The following BSDC1 variants were observed in gnomAD, a reference collection of about 807,000 sequenced individuals.
BSDC1 encodes the protein BSD domain containing 1, also known as BSD domain-containing protein 1.
A neutral mutation model predicts 56.0 loss-of-function variants in BSDC1; 29 were observed. That is an observed-to-expected ratio of 0.52 (90% CI 0.39 to 0.71). The LOEUF is 0.71. Ranked by LOEUF, BSDC1 falls within the 30% of genes least tolerant of loss-of-function variation. The pLI is 0.00. For synonymous variants in BSDC1, 210 were observed against 215.3 expected (o/e 0.98, Z 0.21); for missense variants, 477 against 548.5 (o/e 0.87, Z 1.30).
chr1:32,376,468 T>C lies in BSDC1; in HGVS notation c.950A>G (p.Gln317Arg), dbSNP rs777074928. Residue 317 changes from glutamine to arginine, a missense_variant, in exon 9 of 11, where the codon CAG becomes CGG. By Grantham distance (43) the Gln-to-Arg change is conservative (BLOSUM62 1). Coordinates refer to ENST00000455895, the MANE Select transcript of BSDC1 (RefSeq NM_018045.8). Reference sequence around the variant, plus strand: ...CTCACCCACATCCACAGCCAGGCCCTGTTCCTCCAAGGATGCCTCTAGCAG... The same window carrying C: ...CTCACCCACATCCACAGCCAGGCCCCGTTCCTCCAAGGATGCCTCTAGCAG... ...QKLLEASLEEQGLAVDVGETG... is the reference protein window; with the variant it reads ...QKLLEASLEERGLAVDVGETG... 1 of 1,612,478 alleles carries C rather than the reference T, an allele frequency of 6.2e-7. No homozygotes were observed. Among genetic ancestry groups the C allele is most frequent in the African/African-American group, 1.3e-5 (1 of 75,036 alleles).
intron 10 of BSDC1, chr1:32,368,108 G>C (rs906138453): frequency 2.9e-6 from 4 of 1,358,004 alleles, no homozygotes; most frequent in Non-Finnish European, 3.8e-6. Context: ...CTCGCCTCAA[G>C]CAATCCTCCC....
At chr1:32,373,686 A>G (rs1040943780) in intron 9 of BSDC1, among the ~76,000 whole-genome samples, 3 of 151,948 alleles carry the variant, frequency 2.0e-5, no homozygotes, top group African/African-American at 7.3e-5. Flanking sequence ...ACATCTGGCT[A>G]ATTTTTTGTA....
rs999230674 is a variant in BSDC1, at chr1:32,381,228, C to T, written c.398G>A (p.Cys133Tyr). 6.2e-7 allele frequency: 1 copy of T among 1,613,664 alleles called. No individual in the cohort carries two copies. Among genetic ancestry groups the T allele is most frequent in the Admixed American group, 1.7e-5 (1 of 59,958 alleles). Residue 133 changes from cysteine to tyrosine, a missense_variant, in exon 5 of 11, where the codon TGT (cysteine) becomes TAT (tyrosine). Transcript: ENST00000455895. ...YSLQSDPATYCNEPDGPPELF... is the reference protein window; with the variant it reads ...YSLQSDPATYYNEPDGPPELF... Reference sequence around the variant, plus strand: ...TACCCTCTCACCATCTGGTTCATTACAGTAGGTTGCTGGGTCCGACTGCAG... The same window carrying T: ...TACCCTCTCACCATCTGGTTCATTATAGTAGGTTGCTGGGTCCGACTGCAG...
chr1:32,369,674 A>G (rs1389528478), intron 9 of BSDC1, among the ~76,000 whole-genome samples: 1 of 152,190 alleles, frequency 6.6e-6, no homozygotes, highest in Non-Finnish European at 1.5e-5. Context: ...ATCCTCAGAT[A>G]TCTACAAGAC....
chr1:32,387,453 T>C (rs574371127), intron 2 of BSDC1, among the ~76,000 whole-genome samples: 12 of 152,110 alleles, frequency 7.9e-5, no homozygotes, highest in African/African-American at 1.2e-4. Flanking sequence ...GCGATTTTCG[T>C]GCCTCAGCCT....
Position 32,366,305 on chromosome 1 carries a change from C to A in BSDC1, c.*317G>T. On this transcript the variant is annotated 3_prime_UTR_variant, in exon 11 of 11. Coordinates refer to ENST00000455895, the MANE Select transcript of BSDC1 (RefSeq NM_018045.8). Reference sequence around the variant, plus strand: ...GGGCTAGAACTATCCCTTGGGACTTCCCAGCAGGAGTCCTCAGGAACAGTG... The same window carrying A: ...GGGCTAGAACTATCCCTTGGGACTTACCAGCAGGAGTCCTCAGGAACAGTG... 3.6e-6 allele frequency: 2 copies of A among 549,466 alleles called. No individual in the cohort carries two copies. Among genetic ancestry groups the A allele is most frequent in the Non-Finnish European group, 6.7e-6 (2 of 299,184 alleles). The allele number at this position is 549,466 out of a possible 1,614,324, so 34.0% of individuals were successfully genotyped here.
intron 9 of BSDC1, among the ~76,000 whole-genome samples, chr1:32,374,364 A>T (rs577964237): frequency 4.6e-5 from 7 of 152,236 alleles, no homozygotes; most frequent in Non-Finnish European, 7.3e-5. Flanking sequence ...AAGATTAGTA[A>T]TCTTTCTGAA....
intron 3 of BSDC1, among the ~76,000 whole-genome samples, chr1:32,385,603 T>C (rs1231347719): frequency 6.6e-6 from 1 of 152,020 alleles, no homozygotes; most frequent in Non-Finnish European, 1.5e-5. Flanking sequence ...GGCATGCACC[T>C]GTGGTCCCAG....
At position 32,378,628 on chromosome 1, in the gene BSDC1, G is replaced by A. The variant is rs979759660; in HGVS notation, c.528+96C>T. ...CTATGGAGCCTCCCAGTGCTCTCCGGGCCAGATGACTCTGCAGTGACTCTG... is the reference window on the plus strand; with the variant it reads ...CTATGGAGCCTCCCAGTGCTCTCCGAGCCAGATGACTCTGCAGTGACTCTG... On this transcript the variant is annotated intron_variant, in intron 6 of 10. Coordinates refer to ENST00000455895, the MANE Select transcript of BSDC1 (RefSeq NM_018045.8). The surrounding 1 kb of genome is among the most constrained non-coding windows in gnomAD (Gnocchi z 5.2). 2.6e-4 allele frequency: 227 copies of A among 889,212 alleles called. No homozygotes were observed. The highest frequency in any genetic ancestry group is 4.9e-5 in the Non-Finnish European group (29 of 594,374). The allele number at this position is 889,212 out of a possible 1,614,324, so 55.1% of individuals were successfully genotyped here.
chr1:32,379,203 C>G lies in BSDC1; in HGVS notation c.413-364G>C, dbSNP rs536026382. 1.4e-3 allele frequency among the ~76,000 whole-genome samples: 209 copies of G among 151,968 alleles called. 1 individual carries two copies. Among genetic ancestry groups the G allele is most frequent in the African/African-American group, 4.4e-3 (184 of 41,414 alleles). On this transcript the variant is annotated intron_variant, in intron 5 of 10. Coordinates refer to ENST00000455895, the MANE Select transcript of BSDC1 (RefSeq NM_018045.8). The stretch of plus-strand genomic sequence containing the variant: ...CATCTCTGACTCTGGGGGCCATTGC[C>G]TTTCTCCTGAAGCCCTCGTCTCTCC...
chr1:32,383,824 G>T lies in BSDC1; in HGVS notation c.357+6C>A, dbSNP rs1220025381. Reference sequence around the variant, plus strand: ...GGCATCTGCAGGGGAGACTGTCAGTGAATACCTTGGTGCCATCATAGGGCT... The same window carrying T: ...GGCATCTGCAGGGGAGACTGTCAGTTAATACCTTGGTGCCATCATAGGGCT... On this transcript the variant is annotated splice_donor_region_variant and intron_variant, in intron 4 of 10. Coordinates refer to ENST00000455895, the MANE Select transcript of BSDC1 (RefSeq NM_018045.8). 1.2e-6 allele frequency: 2 copies of T among 1,611,970 alleles called. No individual in the cohort carries two copies. Among genetic ancestry groups the T allele is most frequent in the Admixed American group, 3.3e-5 (2 of 60,022 alleles).
rs1362856851 is a variant in BSDC1, at chr1:32,368,438, C to T, written c.1260+9G>A. 4 of 1,614,144 alleles carry T rather than the reference C, an allele frequency of 2.5e-6. No individual in the cohort carries two copies. The highest frequency in any genetic ancestry group is 2.2e-5 in the South Asian group (2 of 91,086). ...GCTCGCTTCCCTCTGACCCACCAGG[C>T]CCACTCACCTCCCCGGAGGCATCCA... is the stretch of plus-strand genomic sequence containing the variant. On this transcript the variant is annotated intron_variant, in intron 10 of 10. Transcript: ENST00000455895.
At chr1:32,368,711 TG>T (rs1247284128) in intron 9 of BSDC1, among the ~76,000 whole-genome samples, 161 bp from the exon 10 acceptor site, 16 of 152,206 alleles carry the variant, frequency 1.1e-4, no homozygotes, top group Admixed American at 9.2e-4. Flanking sequence ...TTTTTTTTTT[TG>T]TTTTCTTAGA....
At chr1:32,369,550 C>T (rs968127976) in intron 9 of BSDC1, among the ~76,000 whole-genome samples, 1 of 152,106 alleles carries the variant, frequency 6.6e-6, no homozygotes, top group Non-Finnish European at 1.5e-5. Context: ...AAACAGTAGA[C>T]CTCTTCTTCC....
In BSDC1 at chr1:32,378,768, GCT is replaced by G; in HGVS notation, c.482_483del (p.Glu161AlafsTer32). 1.9e-6 allele frequency: 3 copies of G among 1,551,706 alleles called. No homozygotes were observed. The highest frequency in any genetic ancestry group is 2.6e-6 in the Non-Finnish European group (3 of 1,147,506). ...CGGATGGAGGGGCTGCCTACAAGGA[GCT>G]CTGAGATCTCCCCCTTCTTCTCCTC... ...CLEEKKGEIS[E>X]LLVGSPSIRA... is the part of the protein sequence containing the mutation. On this transcript the variant is annotated frameshift_variant, in exon 6 of 11. Coordinates refer to ENST00000455895, the MANE Select transcript of BSDC1 (RefSeq NM_018045.8). LOFTEE classifies it high-confidence loss of function. This position sits in a 1 kb window ranked among gnomAD's most constrained non-coding sequence, Gnocchi z 5.2.
rs1641830717 is a variant in BSDC1 at position 32,365,895 on chromosome 1, G to C, written c.*727C>G. On this transcript the variant is annotated 3_prime_UTR_variant, in exon 11 of 11. Transcript: ENST00000455895. ...CTTGGGGAGGGGAAGAAACGCAAGA[G>C]CGAACTCCTGCAGGTGGCACAGCTG... 6.5e-6 allele frequency: 1 copy of C among 152,972 alleles called. No homozygotes were observed. The highest frequency in any genetic ancestry group is 1.5e-5 in the Non-Finnish European group (1 of 68,300). 9.5% of individuals were successfully genotyped at this position (152,972 alleles called of 1,614,324 possible). A position where few individuals can be genotyped will look rare whatever the true frequency, so the allele number is the denominator to read the frequency against.
At chr1:32,367,065 A>G (rs997607529) in intron 10 of BSDC1, 1 of 994,516 alleles carries the variant, frequency 1.0e-6, no homozygotes, top group Non-Finnish European at 1.2e-6. Flanking sequence ...AGACCAGTGT[A>G]ATCAAGGGCA....
At chr1:32,382,985 C>G (rs369734379) in intron 4 of BSDC1, among the ~76,000 whole-genome samples, 2 of 151,428 alleles carry the variant, frequency 1.3e-5, no homozygotes, top group South Asian at 2.1e-4. Context: ...ACGTGTATTA[C>G]TAGAAATTAG....
Position 32,370,803 on chromosome 1 carries a change from CAAAAAAAAAAAAA to C in BSDC1, c.1157-2266_1157-2254del, listed in dbSNP as rs58351365. ...TGGGTGACAGAGTGAGACTCCGTCTCAAAAAAAAAAAAAAAAAAAAAAAAAAAAATTCTAGCCA... is the reference window on the plus strand; with the variant it reads ...TGGGTGACAGAGTGAGACTCCGTCTCAAAAAAAAAAAAAAAATTCTAGCCA... On this transcript the variant is annotated intron_variant, in intron 9 of 10. Transcript: ENST00000455895. Among the ~76,000 whole-genome samples, 236 of 50,148 alleles carry C rather than the reference CAAAAAAAAAAAAA, an allele frequency of 4.7e-3. 1 individual carries two copies. The highest frequency in any genetic ancestry group is 0.013 in the Admixed American group (45 of 3,548). 32.9% of individuals were successfully genotyped at this position (50,148 alleles called of 152,430 possible).
Sources: gnomAD v4.1 joint callset for allele counts (sites outside exome capture counted in the v4.1 genomes callset) on GRCh38, gnomAD v4.1.1 for gene constraint, Gnocchi (gnomAD v3.1) non-coding constraint, MANE v1.5 for transcripts, NCBI Gene and HGNC (gene_info 2026-07-23, HGNC 2026-07-21) for gene names.